Variants in PPIP5K2 observed in about 807,000 individuals in gnomAD.
The protein encoded by PPIP5K2 is inositol hexakisphosphate and diphosphoinositol-pentakisphosphate kinase 2.
In PPIP5K2, 105 loss-of-function variants were observed where a neutral mutation model predicts 154.6. The ratio of observed to expected loss-of-function variants is 0.68; its 90% CI spans 0.58 to 0.80. The LOEUF (loss-of-function observed/expected upper bound fraction) is 0.80, where lower values mean the gene tolerates loss of function less well. PPIP5K2 is among the 30% of genes least tolerant of loss of function. The probability of loss-of-function intolerance (pLI) is 0.00; values close to 1 mark genes in which losing one functional copy is unlikely to be tolerated. For synonymous variants in PPIP5K2, 480 were observed against 490.3 expected, an observed-to-expected ratio of 0.98 and a Z score of 0.28; for missense variants, 992 against 1,504.6, an observed-to-expected ratio of 0.66 and a Z score of 5.64.
intron 24 of PPIP5K2, 44 bp from the exon 25 acceptor site, chr5:103,183,176 CTTTTTTTTTTTTTT>C (rs781952635): frequency 1.5e-5 from 8 of 539,206 alleles, no homozygotes; most frequent in African/African-American, 6.5e-5. Context: ...GCATGCTCTG[CTTTTTTTTTTTTTT>C]TTTTTTTTTT....
Position 103,183,260 on chromosome 5 carries a change from C to T in PPIP5K2, c.2949C>T (p.Ser983=). 7.2e-7 allele frequency: 1 copy of T among 1,389,744 alleles called. No individual in the cohort carries two copies. The highest frequency in any genetic ancestry group is 9.4e-7 in the Non-Finnish European group (1 of 1,060,478). The allele number at this position is 1,389,744 out of a possible 1,614,324, so 86.1% of individuals were successfully genotyped here. The part of the protein sequence containing the change: ...NDEESPLSVS[S]PEGTGTWLHY... ...AAGAGAGCCCCCTGAGTGTGTCTAGCCCAGAGGGTACTGGTACCTGGCTGC... is the reference window on the plus strand; with the variant it reads ...AAGAGAGCCCCCTGAGTGTGTCTAGTCCAGAGGGTACTGGTACCTGGCTGC... The change falls in exon 25 of 31, where the codon AGC becomes AGT. Residue 983 remains serine, a synonymous_variant. Coordinates refer to ENST00000358359, the MANE Select transcript of PPIP5K2 (RefSeq NM_001276277.3).
At chr5:103,125,821 C>T (rs927491966) in intron 1 of PPIP5K2, among the ~76,000 whole-genome samples, 3 of 152,070 alleles carry the variant, frequency 2.0e-5, no homozygotes, top group South Asian at 2.1e-4. Flanking sequence ...TTAGCAGAGA[C>T]GGGGTTTCAC....
chr5:103,136,948 G>C lies in PPIP5K2; in HGVS notation c.401+126G>C, dbSNP rs1251093836. The C allele has an allele frequency of 7.1e-6, 5 of 699,344 alleles. No individual in the cohort carries two copies. The African/African-American group carries it at 8.9e-5, about 12-fold the overall frequency. The allele number at this position is 699,344 out of a possible 1,614,324, so 43.3% of individuals were successfully genotyped here. On this transcript the variant is annotated intron_variant, in intron 4 of 30. Transcript: ENST00000358359. ...CATTGTACTTTCAAAATAATACTCA[G>C]AAATAGTTATTTATTACCTAATTTT... is the stretch of plus-strand genomic sequence containing the variant.
chr5:103,149,761 A>G (rs1583300431), intron 8 of PPIP5K2, among the ~76,000 whole-genome samples: 1 of 150,496 alleles, frequency 6.6e-6, no homozygotes, highest in South Asian at 2.1e-4. Context: ...CAGTGGCAGG[A>G]TCTTGGCTCA....
intron 5 of PPIP5K2, among the ~76,000 whole-genome samples, chr5:103,140,832 G>A (rs559450004): frequency 1.1e-4 from 12 of 112,546 alleles, no homozygotes; most frequent in African/African-American, 3.0e-4. Context: ...ACGAGACTCC[G>A]TCTCAAAAAA....
intron 1 of PPIP5K2, chr5:103,120,692 C>T (rs1554198705): frequency 6.3e-6 from 2 of 317,686 alleles, no homozygotes; most frequent in Non-Finnish European, 1.3e-5. Context: ...CTTGATTTCT[C>T]CTCCTGCTCC....
At chr5:103,198,848 T>G (rs901135862) in intron 30 of PPIP5K2, among the ~76,000 whole-genome samples, 5 of 152,106 alleles carry the variant, frequency 3.3e-5, no homozygotes, top group Admixed American at 3.3e-4. Flanking sequence ...TCCTTTTGAT[T>G]ATTATACCTT....
At chr5:103,180,295 A>G (rs1430028660) in intron 24 of PPIP5K2, 107 bp downstream of exon 24, 32 of 875,928 alleles carry the variant, frequency 3.7e-5, no homozygotes, top group Non-Finnish European at 5.0e-5. Context: ...AAACCAACAA[A>G]TTTTTAAATG....
At chr5:103,140,696 G>C (rs557475972) in intron 5 of PPIP5K2, among the ~76,000 whole-genome samples, 3 of 151,690 alleles carry the variant, frequency 2.0e-5, no homozygotes, top group African/African-American at 7.3e-5. Flanking sequence ...AATTAGCCGG[G>C]CGCAGTGGCG....
At chr5:103,184,782 T>A in intron 26 of PPIP5K2, 38 bp downstream of exon 26, 1 of 1,499,512 alleles carries the variant, frequency 6.7e-7, no homozygotes, top group Non-Finnish European at 9.3e-7. Flanking sequence ...CATACCCTTC[T>A]TAAACTCACT....
intron 2 of PPIP5K2, among the ~76,000 whole-genome samples, chr5:103,130,859 G>A (rs1385816174): frequency 6.6e-6 from 1 of 152,108 alleles, no homozygotes; most frequent in Non-Finnish European, 1.5e-5. Context: ...TCAAAGCCAG[G>A]CTTCTTACAT....
At chr5:103,154,527 G>C (rs1795105254) in intron 11 of PPIP5K2, 143 bp from the exon 12 acceptor site, 2 of 552,942 alleles carry the variant, frequency 3.6e-6, no homozygotes, top group South Asian at 5.9e-5. Context: ...AACATGTACA[G>C]TGAAAGAGGA....
rs1795706006 is a variant in PPIP5K2, at chr5:103,158,169, T to G, written c.1490-19T>G. ...GAAATAAACTTAACATTTGTTTTAT[T>G]CATTCATATGTGTCATAGACAGCCG... On this transcript the variant is annotated intron_variant, in intron 14 of 30. Transcript: ENST00000358359. 1 of 1,606,162 alleles carries G rather than the reference T, an allele frequency of 6.2e-7. No individual in the cohort carries two copies. The highest frequency in any genetic ancestry group is 8.5e-7 in the Non-Finnish European group (1 of 1,174,818).
intron 19 of PPIP5K2, among the ~76,000 whole-genome samples, chr5:103,170,154 A>T (rs555444164): frequency 6.6e-6 from 1 of 151,624 alleles, no homozygotes; most frequent in African/African-American, 2.4e-5. Flanking sequence ...TCCTCCTTAC[A>T]TGGTGTATGT....
intron 24 of PPIP5K2, 71 bp downstream of exon 24, chr5:103,180,259 A>C (rs1437778235): frequency 7.7e-7 from 1 of 1,303,542 alleles, no homozygotes; most frequent in African/African-American, 1.6e-5. Context: ...AGAAAAGAAA[A>C]TACAGCTTTA....
intron 29 of PPIP5K2, among the ~76,000 whole-genome samples, chr5:103,191,740 G>T (rs1554227015): frequency 1.3e-5 from 2 of 152,070 alleles, no homozygotes; most frequent in Non-Finnish European, 2.9e-5. Context: ...GGTGTGAGAA[G>T]TCAGCTGCCA....
chr5:103,162,492 A>G lies in PPIP5K2; in HGVS notation c.1920+3164A>G, dbSNP rs149271627. Among the ~76,000 whole-genome samples, 1,027 of 151,846 alleles carry G rather than the reference A, an allele frequency of 6.8e-3. 7 individuals carry two copies. Among genetic ancestry groups the G allele is most frequent in the Non-Finnish European group, 0.013 (854 of 67,946 alleles). On this transcript the variant is annotated intron_variant, in intron 17 of 30. Coordinates refer to ENST00000358359, the MANE Select transcript of PPIP5K2 (RefSeq NM_001276277.3). ...ATTCTCCTGCCTCAGCCTCCTGAGTAGCTGAGACTACAGGTGCACGCCACC... is the reference window on the plus strand; with the variant it reads ...ATTCTCCTGCCTCAGCCTCCTGAGTGGCTGAGACTACAGGTGCACGCCACC...
intron 1 of PPIP5K2, among the ~76,000 whole-genome samples, chr5:103,124,864 G>A (rs565686624): frequency 1.3e-5 from 2 of 152,256 alleles, no homozygotes; most frequent in East Asian, 3.9e-4. Flanking sequence ...TACAAGTAAG[G>A]TACTTACTAG....
intron 17 of PPIP5K2, among the ~76,000 whole-genome samples, chr5:103,161,446 A>G (rs1197748488): frequency 1.3e-5 from 2 of 152,228 alleles, no homozygotes; most frequent in Non-Finnish European, 1.5e-5. Context: ...TTACAGCAGC[A>G]TGATTTATAA....
Sources: gnomAD v4.1 joint callset for allele counts (sites outside exome capture counted in the v4.1 genomes callset) on GRCh38, gnomAD v4.1.1 for gene constraint, MANE v1.5 for transcripts, NCBI Gene and HGNC (gene_info 2026-07-23, HGNC 2026-07-21) for gene names.